The following OMA1 variants were observed in gnomAD, a reference collection of about 807,000 sequenced individuals.
OMA1 encodes OMA1 zinc metallopeptidase.
In OMA1, 38 loss-of-function variants were observed where a neutral mutation model predicts 30.9. The observed-to-expected ratio is 1.23, with a 90% CI of 0.95 to 1.61. OMA1 has a LOEUF of 1.61. OMA1 is among the 40% of genes most tolerant of loss of function. The pLI is 0.00. For missense variants in OMA1, 461 were observed against 349.2 expected (o/e 1.32, Z -2.55); for synonymous variants, 173 against 121.9 (o/e 1.42, Z -2.76).
chr1:58,543,828 C>G (rs1039968008), intron 1 of OMA1, among the ~76,000 whole-genome samples: 1 of 152,176 alleles, frequency 6.6e-6, no homozygotes, highest in Non-Finnish European at 1.5e-5. Flanking sequence ...AAGCACCATA[C>G]AACAGACCTT....
At chr1:58,492,275 G>A (rs897129262) in intron 8 of OMA1, among the ~76,000 whole-genome samples, 17 of 151,864 alleles carry the variant, frequency 1.1e-4, no homozygotes, top group Non-Finnish European at 1.9e-4. Flanking sequence ...GTGTGTAGAG[G>A]GAAATTTATA....
At chr1:58,544,434 A>G (rs927694696) in intron 1 of OMA1, among the ~76,000 whole-genome samples, 3 of 152,244 alleles carry the variant, frequency 2.0e-5, no homozygotes, top group Non-Finnish European at 4.4e-5. Flanking sequence ...GAAAAAAGAT[A>G]CACCAAACTA....
intron 2 of OMA1, among the ~76,000 whole-genome samples, chr1:58,538,308 T>C (rs17117717): frequency 0.018 from 2,805 of 152,242 alleles, 57 homozygotes; most frequent in East Asian, 0.12. Flanking sequence ...AAAAGAAGCA[T>C]TAATGACTTA....
intron 8 of OMA1, among the ~76,000 whole-genome samples, chr1:58,484,265 T>C (rs189409674): frequency 0.011 from 1,655 of 152,346 alleles, 31 homozygotes; most frequent in African/African-American, 0.037. Flanking sequence ...ATTACCCTGC[T>C]ATAAAAACTT....
chr1:58,481,827 C>T (rs1019166627), intron 8 of OMA1, among the ~76,000 whole-genome samples: 3 of 152,242 alleles, frequency 2.0e-5, no homozygotes, highest in Middle Eastern at 3.4e-3. Flanking sequence ...TCTTGACTGC[C>T]GCCATGTAAG....
chr1:58,534,523 G>A (rs561003312), intron 3 of OMA1, among the ~76,000 whole-genome samples, 192 bp from the exon 4 acceptor site: 1 of 152,230 alleles, frequency 6.6e-6, no homozygotes, highest in South Asian at 2.1e-4. Flanking sequence ...TCTTACAAAG[G>A]AATAAATTCT....
intron 3 of OMA1, among the ~76,000 whole-genome samples, chr1:58,535,368 G>A (rs1646499882): frequency 6.6e-6 from 1 of 152,052 alleles, no homozygotes; most frequent in Non-Finnish European, 1.5e-5. Context: ...TTTAGGAGGT[G>A]GGCAGATCAC....
At chr1:58,529,733 A>G (rs1646403895) in intron 6 of OMA1, among the ~76,000 whole-genome samples, 1 of 152,224 alleles carries the variant, frequency 6.6e-6, no homozygotes, top group Non-Finnish European at 1.5e-5. Flanking sequence ...TATCTACGAA[A>G]AAACAATTTA....
intron 6 of OMA1, among the ~76,000 whole-genome samples, chr1:58,529,228 T>C (rs1007132252): frequency 1.3e-5 from 2 of 152,206 alleles, no homozygotes; most frequent in Non-Finnish European, 2.9e-5. Flanking sequence ...ATTTGTCTCA[T>C]AGAATTTTGC....
At chr1:58,494,790 G>C (rs1320405485) in intron 8 of OMA1, among the ~76,000 whole-genome samples, 1 of 152,182 alleles carries the variant, frequency 6.6e-6, no homozygotes, top group African/African-American at 2.4e-5. Flanking sequence ...AGAGGATGTG[G>C]AGAAATAGGA....
chr1:58,494,075 G>T (rs905641827), intron 8 of OMA1, among the ~76,000 whole-genome samples: 2 of 152,082 alleles, frequency 1.3e-5, no homozygotes, highest in African/African-American at 4.8e-5. Context: ...CAGAGATATA[G>T]ACCATTGGAA....
intron 7 of OMA1, among the ~76,000 whole-genome samples, chr1:58,520,026 A>G (rs1280297588): frequency 6.6e-6 from 1 of 152,188 alleles, no homozygotes; most frequent in Non-Finnish European, 1.5e-5. Context: ...GTTCTCACTC[A>G]TAAGGGGGAG....
At chr1:58,524,903 G>A (rs1199234859) in intron 7 of OMA1, among the ~76,000 whole-genome samples, 13 of 152,168 alleles carry the variant, frequency 8.5e-5, no homozygotes, top group Non-Finnish European at 4.4e-5. Context: ...CTGCTCACAT[G>A]GAGATGATTA....
chr1:58,488,601 G>C (rs1645617531), intron 8 of OMA1, among the ~76,000 whole-genome samples: 2 of 152,284 alleles, frequency 1.3e-5, no homozygotes, highest in South Asian at 4.1e-4. Flanking sequence ...ACAGGCATGA[G>C]CCACCATGTC....
intron 3 of OMA1, among the ~76,000 whole-genome samples, chr1:58,535,966 CTG>C (rs886562017): frequency 1.3e-4 from 20 of 151,594 alleles, no homozygotes; most frequent in African/African-American, 4.4e-4. Context: ...CTCTTACATA[CTG>C]TGTTAGTATT....
chr1:58,541,614 C>CAAAAAAAAAAA (rs60360589), intron 1 of OMA1: 17 of 65,616 alleles, frequency 2.6e-4, no homozygotes, highest in African/African-American at 3.6e-4. Context: ...GAGAACCTGT[C>CAAAAAAAAAAA]AAAAAAAAAA....
intron 8 of OMA1, among the ~76,000 whole-genome samples, chr1:58,505,114 G>A (rs567032452): frequency 9.9e-5 from 15 of 152,162 alleles, no homozygotes; most frequent in Admixed American, 2.0e-4. Context: ...CACCACGCCC[G>A]CCTAATTTTG....
chr1:58,511,428 G>T (rs557965977), intron 7 of OMA1, among the ~76,000 whole-genome samples: 2 of 152,182 alleles, frequency 1.3e-5, no homozygotes, highest in Admixed American at 1.3e-4. Context: ...CACATGGATT[G>T]CTTGAGACCA....
Position 58,530,616 on chromosome 1 carries a change from CTG to C in OMA1, c.1123_1124del (p.Gln375ValfsTer2). 1.1e-6 allele frequency: 1 copy of C among 872,406 alleles called. No individual in the cohort carries two copies. The highest frequency in any genetic ancestry group is 2.0e-6 in the Non-Finnish European group (1 of 501,338). The allele number at this position is 872,406 out of a possible 1,614,324, so 54.0% of individuals were successfully genotyped here. A position where few individuals can be genotyped will look rare whatever the true frequency, so the allele number is the denominator to read the frequency against. On this transcript the variant is annotated frameshift_variant, in exon 6 of 9. Transcript: ENST00000371226. LOFTEE classifies it high-confidence loss of function. Reference protein sequence around the residue: ...DSLALLCQWIQSKLQEYMFNR... With the variant: ...DSLALLCQWIXSKLQEYMFNR... ...TCAGACTTACCTCCTGCAATTTAGA[CTG>C]TATCCACTGGCACAAAAGTGCCAAG... is the stretch of plus-strand genomic sequence containing the variant.
Sources: gnomAD v4.1 joint callset for allele counts (sites outside exome capture counted in the v4.1 genomes callset) on GRCh38, gnomAD v4.1.1 for gene constraint, MANE v1.5 for transcripts, NCBI Gene and HGNC (gene_info 2026-07-23, HGNC 2026-07-21) for gene names.